Variants in UBE2M observed in about 807,000 individuals in gnomAD.
The protein encoded by UBE2M is ubiquitin conjugating enzyme E2 M.
UBE2M carries 2 observed loss-of-function variants against 23.5 expected under a neutral mutation model. The observed-to-expected ratio is 0.09, with a 90% CI of 0.03 to 0.27. The LOEUF is 0.27. Ranked by LOEUF, UBE2M falls within the 10% of genes least tolerant of loss-of-function variation. The probability of loss-of-function intolerance (pLI) is 1.00; values close to 1 mark genes in which losing one functional copy is unlikely to be tolerated. For missense variants in UBE2M, 103 were observed against 232.9 expected (o/e 0.44, Z 3.63); for synonymous variants, 97 against 95.2 (o/e 1.02, Z -0.11).
At position 58,556,815 on chromosome 19, in the gene UBE2M, G is replaced by C. The variant is rs1446456874; in HGVS notation, c.244-25C>G. ...CCTGGCTCCAGGAAAAGAAAAGAGAGATGGGTAGGTGCCTGGAAGGGCCTC... is the reference window on the plus strand; with the variant it reads ...CCTGGCTCCAGGAAAAGAAAAGAGACATGGGTAGGTGCCTGGAAGGGCCTC... On this transcript the variant is annotated intron_variant, in intron 3 of 5. Transcript: ENST00000253023. This position sits in a 1 kb window ranked among gnomAD's most constrained non-coding sequence, Gnocchi z 4.9. 1 of 1,609,322 alleles carries C rather than the reference G, an allele frequency of 6.2e-7. No homozygotes were observed. The highest frequency in any genetic ancestry group is 1.7e-5 in the Admixed American group (1 of 58,916).
At chr19:58,557,634 C>CA (rs1276479966) in intron 1 of UBE2M, among the ~76,000 whole-genome samples, 2 of 151,662 alleles carry the variant, frequency 1.3e-5, no homozygotes, top group African/African-American at 4.9e-5. Flanking sequence ...GTGACCCCCA[C>CA]ACTCTCAAGT....
Sources: gnomAD v4.1 joint callset for allele counts (sites outside exome capture counted in the v4.1 genomes callset) on GRCh38, gnomAD v4.1.1 for gene constraint, Gnocchi (gnomAD v3.1) non-coding constraint, MANE v1.5 for transcripts, NCBI Gene and HGNC (gene_info 2026-07-23, HGNC 2026-07-21) for gene names.